Variants in UMODL1 observed in about 807,000 individuals in gnomAD.
UMODL1 encodes the protein uromodulin like 1, also known as uromodulin-like 1.
UMODL1 carries 128 observed loss-of-function variants against 136.3 expected under a neutral mutation model. The ratio of observed to expected loss-of-function variants is 0.94; its 90% CI spans 0.81 to 1.09. The LOEUF is 1.09. Ranked by LOEUF, UMODL1 falls within the 50% of genes least tolerant of loss-of-function variation. The pLI is 0.00. For synonymous variants in UMODL1, 721 were observed against 720.0 expected, an observed-to-expected ratio of 1.00 and a Z score of -0.02; for missense variants, 1,766 against 1,725.6, an observed-to-expected ratio of 1.02 and a Z score of -0.41.
Position 42,084,084 on chromosome 21 carries a change from C to A in UMODL1, c.320C>A (p.Pro107His), listed in dbSNP as rs199840945. Residue 107 changes from proline (P) to histidine (H), a missense_variant and splice_region_variant, in exon 3 of 23, where the codon CCC (proline) becomes CAC (histidine). Coordinates refer to ENST00000408910, the MANE Select transcript of UMODL1 (RefSeq NM_001004416.3). The part of the protein sequence containing the change: ...YEQLGLYCVL[P>H]LNQSGQFTSR... Reference sequence around the variant, plus strand: ...CATTAATTGTATCATTTTCTCCCAGCCCTGAATCAGTCCGGGCAGTTCACG... The same window carrying A: ...CATTAATTGTATCATTTTCTCCCAGACCTGAATCAGTCCGGGCAGTTCACG... The A allele has an allele frequency of 1.7e-4, 270 of 1,612,048 alleles. No homozygotes were observed. The highest frequency in any genetic ancestry group is 1.0e-3 in the Admixed American group (61 of 59,550).
Position 42,084,254 on chromosome 21 carries a change from C to T in UMODL1, c.481+9C>T, listed in dbSNP as rs2066399106. ...GGCCCCTGCACCCCAAGGTAGGCTG[C>T]TGCGGGCCATGCTTATGGACAGGCA... On this transcript the variant is annotated intron_variant, in intron 3 of 22. Transcript: ENST00000408910. 2 of 1,612,474 alleles carry T rather than the reference C, an allele frequency of 1.2e-6. No individual in the cohort carries two copies. Among genetic ancestry groups the T allele is most frequent in the African/African-American group, 2.7e-5 (2 of 74,888 alleles).
In UMODL1 at chr21:42,103,906, C is replaced by T. The variant is rs2066674035; in HGVS notation, c.1338C>T (p.Tyr446=). 1.9e-6 allele frequency: 3 copies of T among 1,614,146 alleles called. No homozygotes were observed. The African/African-American group carries it at 4.0e-5, about 22-fold the overall frequency. The change falls in exon 9 of 23, where the codon TAC becomes TAT. Residue 446 remains tyrosine (Y), a synonymous_variant. Coordinates refer to ENST00000408910, the MANE Select transcript of UMODL1 (RefSeq NM_001004416.3). ...TCCCACCAGTGGTGTCTGACTTGTA[C>T]CGAAGTGGGAAGCTGAGAATGCAGA... The part of the protein sequence containing the change: ...SSFPPVVSDL[Y]RSGKLRMQIV...
intron 15 of UMODL1, 90 bp from the exon 16 acceptor site, chr21:42,120,993 TTGTC>T (rs1238432270): frequency 2.7e-6 from 4 of 1,474,864 alleles, no homozygotes; most frequent in East Asian, 2.4e-5. Context: ...GTTTCCAGCT[TTGTC>T]TGTGAGATGC....
intron 1 of UMODL1, among the ~76,000 whole-genome samples, chr21:42,072,100 G>A (rs1286928025): frequency 6.6e-6 from 1 of 152,022 alleles, no homozygotes; most frequent in Non-Finnish European, 1.5e-5. Flanking sequence ...AAAAGAAAGG[G>A]AGACCCAGAA....
intron 9 of UMODL1, 36 bp downstream of exon 9, chr21:42,104,123 C>T (rs1284173981): frequency 1.3e-6 from 2 of 1,575,708 alleles, no homozygotes; most frequent in South Asian, 1.1e-5. Context: ...GCCTGGTGTC[C>T]TCCAGCTCAG....
rs766589728 is a variant in UMODL1, at chr21:42,137,654, T to TG, written c.*21+17dup. ...GGCTGACAGGAAGGTGGGTGCGGAG[T>TG]GGGGTGGGAGGTGCAGGCTGACAGG... On this transcript the variant is annotated intron_variant, in intron 22 of 22. Coordinates refer to ENST00000408910, the MANE Select transcript of UMODL1 (RefSeq NM_001004416.3). 29 of 570,018 alleles carry TG rather than the reference T, an allele frequency of 5.1e-5. No homozygotes were observed. The Admixed American group carries it at 1.4e-3, about 28-fold the overall frequency. The allele number at this position is 570,018 out of a possible 1,614,324, so 35.3% of individuals were successfully genotyped here. A position where few individuals can be genotyped will look rare whatever the true frequency, so the allele number is the denominator to read the frequency against.
chr21:42,118,048 G>A (rs1020682925), intron 14 of UMODL1, among the ~76,000 whole-genome samples: 12 of 152,218 alleles, frequency 7.9e-5, no homozygotes, highest in African/African-American at 2.9e-4. Context: ...AACCGCAGAC[G>A]TGGATGTCAG....
chr21:42,084,060 A>G, intron 2 of UMODL1, 24 bp from the exon 3 acceptor site: 1 of 1,608,650 alleles, frequency 6.2e-7, no homozygotes, highest in Non-Finnish European at 8.5e-7. Flanking sequence ...CGCCAGTATC[A>G]TTAATTGTAT....
At chr21:42,121,850 GT>G in intron 16 of UMODL1, among the ~76,000 whole-genome samples, 1 of 152,314 alleles carries the variant, frequency 6.6e-6, no homozygotes, top group East Asian at 1.9e-4. Context: ...CCTGGAAGTG[GT>G]GTCTTGAAGC....
chr21:42,068,373 C>T (rs1806288208), upstream of UMODL1, among the ~76,000 whole-genome samples: 1 of 152,132 alleles, frequency 6.6e-6, no homozygotes. The surrounding 1 kb of genome is among the most constrained non-coding windows in gnomAD (Gnocchi z 5.5). Context: ...CAGGTGGTCC[C>T]CACACACACC....
At chr21:42,086,250 C>T (rs567096366) in intron 4 of UMODL1, among the ~76,000 whole-genome samples, 15 of 152,320 alleles carry the variant, frequency 9.8e-5, no homozygotes, top group Admixed American at 3.9e-4. Flanking sequence ...CTGGAAATGC[C>T]GAACACTTTT....
chr21:42,067,701 C>T (rs1045967272), upstream of UMODL1, among the ~76,000 whole-genome samples: 3 of 152,188 alleles, frequency 2.0e-5, no homozygotes, highest in Admixed American at 6.5e-5. Flanking sequence ...GGCCTGGGCG[C>T]CTCTTCTGGG....
chr21:42,109,362 A>G (rs995598325), intron 9 of UMODL1, among the ~76,000 whole-genome samples, 200 bp from the exon 10 acceptor site: 1 of 152,228 alleles, frequency 6.6e-6, no homozygotes, highest in African/African-American at 2.4e-5. Context: ...TTTGCCCCCA[A>G]ATAAGCCAAC....
Position 42,085,419 on chromosome 21 carries a change from G to T in UMODL1, c.603+7G>T. Reference sequence around the variant, plus strand: ...GCGCCTTCTGCATTCCTTGGTAGGTGAGACAGACGGGGGCTGCCTGCACCC... The same window carrying T: ...GCGCCTTCTGCATTCCTTGGTAGGTTAGACAGACGGGGGCTGCCTGCACCC... On this transcript the variant is annotated splice_region_variant and intron_variant, in intron 4 of 22. Transcript: ENST00000408910. The surrounding 1 kb of genome is among the most constrained non-coding windows in gnomAD (Gnocchi z 4.5). 1 of 1,613,756 alleles carries T rather than the reference G, an allele frequency of 6.2e-7. No individual in the cohort carries two copies.
chr21:42,089,124 C>T (rs911286342), intron 5 of UMODL1, among the ~76,000 whole-genome samples: 3 of 152,204 alleles, frequency 2.0e-5, no homozygotes, highest in African/African-American at 4.8e-5. Context: ...CTCAACGACT[C>T]AGCCCTGCTG....
chr21:42,126,744 A>G (rs1306535076), intron 18 of UMODL1, among the ~76,000 whole-genome samples: 1 of 152,136 alleles, frequency 6.6e-6, no homozygotes, highest in African/African-American at 2.4e-5. Flanking sequence ...CCGCCACCCA[A>G]GCCTCCATCA....
In UMODL1 at chr21:42,123,003, C is replaced by T. The variant is rs755637091; in HGVS notation, c.3000C>T (p.Val1000=). 37 of 1,613,884 alleles carry T rather than the reference C, an allele frequency of 2.3e-5. No homozygotes were observed. The East Asian group carries it at 3.3e-4, about 15-fold the overall frequency. ...TCTGTGAGATCGAGAAGGTGGTTGT[C>T]GCCATCCAGAAGCGCTTCCTGCAGC... The part of the protein sequence containing the change: ...RVLCEIEKVV[V]AIQKRFLQQE... Residue 1000 remains valine (V), a synonymous_variant, in exon 17 of 23, where the codon GTC becomes GTT. Transcript: ENST00000408910. The surrounding 1 kb of genome is among the most constrained non-coding windows in gnomAD (Gnocchi z 4.4).
intron 5 of UMODL1, among the ~76,000 whole-genome samples, chr21:42,090,096 G>C (rs1411961129): frequency 6.6e-6 from 1 of 152,222 alleles, no homozygotes; most frequent in African/African-American, 2.4e-5. Context: ...CTGCTGCTTG[G>C]ATGACGATGG....
Position 42,142,831 on chromosome 21 carries a change from A to G in UMODL1, c.*757A>G, listed in dbSNP as rs904149112. 1 of 152,206 alleles carries G rather than the reference A, an allele frequency of 6.6e-6. No homozygotes were observed. The highest frequency in any genetic ancestry group is 2.4e-5 in the African/African-American group (1 of 41,442). 9.4% of individuals were successfully genotyped at this position (152,206 alleles called of 1,614,324 possible). A position where few individuals can be genotyped will look rare whatever the true frequency, so the allele number is the denominator to read the frequency against. On this transcript the variant is annotated 3_prime_UTR_variant, in exon 23 of 23. Transcript: ENST00000408910. The stretch of plus-strand genomic sequence containing the variant: ...TGATTTACCCATTACACAATGAGAA[A>G]CCAGAGGAGCCGATGAGTTACTTAA...
Sources: allele counts gnomAD v4.1 joint callset (sites outside exome capture counted in the v4.1 genomes callset), GRCh38; gene constraint gnomAD v4.1.1; non-coding constraint Gnocchi (gnomAD v3.1); transcripts MANE v1.5; gene names NCBI Gene and HGNC (gene_info 2026-07-23, HGNC 2026-07-21).